Variants in PCSK5 observed in about 807,000 individuals in gnomAD.
The protein encoded by PCSK5 is prohormone convertase 5.
A neutral mutation model predicts 233.2 loss-of-function variants in PCSK5; 129 were observed. The observed-to-expected ratio is 0.55, with a 90% CI of 0.48 to 0.64. The LOEUF is 0.64. PCSK5 is among the 30% of genes least tolerant of loss of function. PCSK5 has a pLI of 0.00. For synonymous variants in PCSK5, 825 were observed against 879.2 expected, an observed-to-expected ratio of 0.94 and a Z score of 1.09; for missense variants, 2,076 against 2,430.1, an observed-to-expected ratio of 0.85 and a Z score of 3.06.
chr9:76,128,824 T>C (rs1822632463), intron 9 of PCSK5, among the ~76,000 whole-genome samples: 1 of 152,182 alleles, frequency 6.6e-6, no homozygotes, highest in African/African-American at 2.4e-5. Context: ...AACTCACATT[T>C]CTAAATCTTG....
intron 5 of PCSK5, among the ~76,000 whole-genome samples, chr9:76,058,530 C>A (rs1283530899): frequency 6.6e-6 from 1 of 152,024 alleles, no homozygotes; most frequent in Non-Finnish European, 1.5e-5. Flanking sequence ...TTCCTATTAC[C>A]CGTACAGCCC....
intron 24 of PCSK5, among the ~76,000 whole-genome samples, chr9:76,284,384 G>A (rs1827987096): frequency 6.6e-6 from 1 of 152,016 alleles, no homozygotes; most frequent in South Asian, 2.1e-4. Context: ...AGATCTGATG[G>A]TTTTATAAAG....
chr9:76,279,028 C>A, intron 24 of PCSK5, among the ~76,000 whole-genome samples: 1 of 150,688 alleles, frequency 6.6e-6, no homozygotes, highest in African/African-American at 2.4e-5. Flanking sequence ...CGTCATCTAG[C>A]ATTAGGCATG....
At chr9:75,909,651 T>C (rs903387922) in intron 1 of PCSK5, among the ~76,000 whole-genome samples, 1 of 151,978 alleles carries the variant, frequency 6.6e-6, no homozygotes, top group Non-Finnish European at 1.5e-5. Flanking sequence ...GCTGAGATCG[T>C]GCCATTGCAC....
chr9:76,129,539 T>C (rs1387132688), intron 9 of PCSK5, among the ~76,000 whole-genome samples: 1 of 152,142 alleles, frequency 6.6e-6, no homozygotes, highest in Non-Finnish European at 1.5e-5. Context: ...GAGGATGTAT[T>C]TGGGTGGTGG....
At chr9:76,050,683 A>G (rs1044449555) in intron 5 of PCSK5, among the ~76,000 whole-genome samples, 2 of 152,208 alleles carry the variant, frequency 1.3e-5, no homozygotes, top group Non-Finnish European at 2.9e-5. Context: ...TTGTACCACA[A>G]TACTTGGTGA....
rs909414639 is a variant in PCSK5 at position 76,336,786 on chromosome 9, C to A, written c.4749-1444C>A. On this transcript the variant is annotated intron_variant, in intron 34 of 37. Coordinates refer to ENST00000674117, the MANE Select transcript of PCSK5 (RefSeq NM_001372043.1). ...TTTAATTGTAGGTACTAACATTAGTCCCATCTTATAGATGAGAAACCTGAG... is the reference window on the plus strand; with the variant it reads ...TTTAATTGTAGGTACTAACATTAGTACCATCTTATAGATGAGAAACCTGAG... Among the ~76,000 whole-genome samples the A allele has an allele frequency of 6.6e-5, 10 of 152,214 alleles. No homozygotes were observed. The South Asian group carries it at 1.0e-3, about 16-fold the overall frequency.
intron 13 of PCSK5, among the ~76,000 whole-genome samples, chr9:76,174,157 A>G (rs1042656955): frequency 3.9e-5 from 6 of 152,132 alleles, no homozygotes; most frequent in Non-Finnish European, 8.8e-5. Context: ...AAATAATCAA[A>G]TGTTTAATGG....
At chr9:76,244,289 C>G (rs1213246201) in intron 24 of PCSK5, among the ~76,000 whole-genome samples, 4 of 152,126 alleles carry the variant, frequency 2.6e-5, no homozygotes, top group Non-Finnish European at 5.9e-5. Flanking sequence ...TATAAGGAAG[C>G]TTTGATCAGA....
chr9:76,280,714 T>C (rs1329465055), intron 24 of PCSK5, among the ~76,000 whole-genome samples: 2 of 151,864 alleles, frequency 1.3e-5, no homozygotes, highest in East Asian at 1.9e-4. Context: ...CCAGCCTGAG[T>C]GACAGAGCCA....
chr9:76,164,169 G>A (rs1045079172), intron 12 of PCSK5, among the ~76,000 whole-genome samples: 2 of 152,068 alleles, frequency 1.3e-5, no homozygotes, highest in Non-Finnish European at 2.9e-5. Context: ...CATTTGTAAG[G>A]CATCATGGTA....
At chr9:76,269,126 TTG>T (rs1446007697) in intron 24 of PCSK5, among the ~76,000 whole-genome samples, 1 of 152,202 alleles carries the variant, frequency 6.6e-6, no homozygotes, top group African/African-American at 2.4e-5. Context: ...CCCCAACCAA[TTG>T]CTGCATGCAG....
intron 30 of PCSK5, among the ~76,000 whole-genome samples, chr9:76,319,063 C>T (rs1306630109): frequency 1.3e-5 from 2 of 152,180 alleles, no homozygotes; most frequent in East Asian, 1.9e-4. Context: ...AGGACACATG[C>T]CCATGACAGC....
At chr9:75,967,989 C>T (rs1474395958) in intron 2 of PCSK5, among the ~76,000 whole-genome samples, 4 of 152,136 alleles carry the variant, frequency 2.6e-5, no homozygotes, top group African/African-American at 9.7e-5. Context: ...TTCAAACTCC[C>T]GACCTCAGGT....
intron 1 of PCSK5, among the ~76,000 whole-genome samples, chr9:75,897,310 G>T (rs1050287853): frequency 3.9e-5 from 6 of 151,926 alleles, no homozygotes; most frequent in Non-Finnish European, 7.4e-5. Flanking sequence ...TAAGTGTTGT[G>T]CCTGATTCTC....
chr9:76,099,728 C>T (rs1029388392), intron 8 of PCSK5, among the ~76,000 whole-genome samples: 10 of 152,258 alleles, frequency 6.6e-5, no homozygotes, highest in South Asian at 2.1e-4. Flanking sequence ...TGAACCCAGA[C>T]GCCTTTGGTC....
intron 3 of PCSK5, among the ~76,000 whole-genome samples, chr9:76,020,722 T>C (rs1022631958): frequency 6.6e-6 from 1 of 152,206 alleles, no homozygotes; most frequent in Non-Finnish European, 1.5e-5. Context: ...AACACGCATG[T>C]TTTCCGTAGA....
At chr9:75,919,023 G>A (rs1321753744) in intron 1 of PCSK5, among the ~76,000 whole-genome samples, 3 of 152,276 alleles carry the variant, frequency 2.0e-5, no homozygotes, top group Non-Finnish European at 2.9e-5. Context: ...AGTTCTGTAC[G>A]TTTTGACAAA....
At chr9:76,193,045 C>T (rs917845765) in intron 20 of PCSK5, among the ~76,000 whole-genome samples, 1 of 150,668 alleles carries the variant, frequency 6.6e-6, no homozygotes. Flanking sequence ...TGTCTCTCCT[C>T]TCCTTGAAAA....
Sources: gnomAD v4.1 joint callset for allele counts (sites outside exome capture counted in the v4.1 genomes callset) on GRCh38, gnomAD v4.1.1 for gene constraint, MANE v1.5 for transcripts, NCBI Gene and HGNC (gene_info 2026-07-23, HGNC 2026-07-21) for gene names.